Variants in PCSK5 observed in about 807,000 individuals in gnomAD.
PCSK5 encodes prohormone convertase 5.
A neutral mutation model predicts 233.2 loss-of-function variants in PCSK5; 129 were observed. The observed-to-expected ratio is 0.55, with a 90% CI of 0.48 to 0.64. The LOEUF is 0.64. PCSK5 is among the 30% of genes least tolerant of loss of function. The pLI, the probability that PCSK5 is intolerant of heterozygous loss-of-function variation, is 0.00. For synonymous variants in PCSK5, 825 were observed against 879.2 expected, an observed-to-expected ratio of 0.94 and a Z score of 1.09; for missense variants, 2,076 against 2,430.1, an observed-to-expected ratio of 0.85 and a Z score of 3.06.
intron 15 of PCSK5, among the ~76,000 whole-genome samples, chr9:76,180,002 T>C (rs1194167627): frequency 1.2e-3 from 66 of 56,708 alleles, no homozygotes; most frequent in African/African-American, 5.5e-3. Flanking sequence ...TCCAGACCTT[T>C]CTTTTTTTTT....
chr9:76,207,536 G>A (rs1825167911), intron 20 of PCSK5, among the ~76,000 whole-genome samples: 1 of 152,180 alleles, frequency 6.6e-6, no homozygotes, highest in South Asian at 2.1e-4. Context: ...TAAGTACTGA[G>A]CTGGGCATAG....
chr9:76,057,037 A>G (rs896956354), intron 5 of PCSK5, among the ~76,000 whole-genome samples: 4 of 152,080 alleles, frequency 2.6e-5, no homozygotes, highest in African/African-American at 9.7e-5. Flanking sequence ...ATGTGTAGGT[A>G]CATGTATGTT....
intron 24 of PCSK5, among the ~76,000 whole-genome samples, chr9:76,281,501 C>CG (rs1554716280): frequency 3.3e-5 from 5 of 151,996 alleles, no homozygotes; most frequent in African/African-American, 1.2e-4. Context: ...ACTGCTCAGA[C>CG]AAAAGAGTTT....
chr9:76,198,567 AGT>A (rs1235357872), intron 20 of PCSK5, among the ~76,000 whole-genome samples: 4 of 152,154 alleles, frequency 2.6e-5, no homozygotes, highest in Non-Finnish European at 5.9e-5. Flanking sequence ...CCTTTTTAAG[AGT>A]GCTGGAGAAA....
At chr9:76,052,523 A>T (rs1829666508) in intron 5 of PCSK5, among the ~76,000 whole-genome samples, 1 of 152,182 alleles carries the variant, frequency 6.6e-6, no homozygotes, top group Non-Finnish European at 1.5e-5. Context: ...TCATGAGAAC[A>T]GCATGGGAAA....
At chr9:76,089,564 G>A (rs1253440173) in intron 7 of PCSK5, among the ~76,000 whole-genome samples, 1 of 152,146 alleles carries the variant, frequency 6.6e-6, no homozygotes, top group Non-Finnish European at 1.5e-5. Flanking sequence ...ATATGTGAAA[G>A]CTTCTAGCAC....
At position 75,978,369 on chromosome 9, in the gene PCSK5, A is replaced by G. The variant is rs115145906; in HGVS notation, c.298-7763A>G. ...TTACTAAGTACTTTGGGAGCTTGCA[A>G]TTGTGAAGCACATTGTAAGTGTGAC... is the stretch of plus-strand genomic sequence containing the variant. On this transcript the variant is annotated intron_variant, in intron 2 of 37. Transcript: ENST00000674117. Among the ~76,000 whole-genome samples the G allele has an allele frequency of 5.2e-3, 795 of 152,320 alleles. 5 individuals are homozygous for G. The highest frequency in any genetic ancestry group is 0.017 in the African/African-American group (721 of 41,588).
rs1356178758 is a variant in PCSK5, at chr9:76,361,997, T to A, written c.*3075T>A. ...TCTATGATACACAGTTAAAGATTGG[T>A]TGAGGTTGAGATGAACTTCAATACT... On this transcript the variant is annotated 3_prime_UTR_variant, in exon 38 of 38. Coordinates refer to ENST00000674117, the MANE Select transcript of PCSK5 (RefSeq NM_001372043.1). 6.6e-6 allele frequency: 1 copy of A among 152,186 alleles called. No homozygotes were observed. Among genetic ancestry groups the A allele is most frequent in the Non-Finnish European group, 1.5e-5 (1 of 68,018 alleles). 9.4% of individuals were successfully genotyped at this position (152,186 alleles called of 1,614,324 possible).
chr9:76,315,642 CTT>C (rs34118608), intron 30 of PCSK5, among the ~76,000 whole-genome samples: 12 of 114,580 alleles, frequency 1.0e-4, no homozygotes, highest in Admixed American at 8.9e-5. Context: ...GAGAAGACTA[CTT>C]TTTTTTTTTT....
intron 2 of PCSK5, among the ~76,000 whole-genome samples, chr9:75,960,987 T>A (rs1825329511): frequency 1.3e-5 from 2 of 152,082 alleles, no homozygotes; most frequent in African/African-American, 4.8e-5. Flanking sequence ...TTAGTTAGAA[T>A]GAAAAGTGGA....
intron 16 of PCSK5, among the ~76,000 whole-genome samples, chr9:76,182,555 A>C (rs1346943641): frequency 6.6e-6 from 1 of 151,040 alleles, no homozygotes; most frequent in Admixed American, 6.6e-5. Flanking sequence ...AATAGGAGTA[A>C]TTTGCAACTT....
intron 1 of PCSK5, among the ~76,000 whole-genome samples, chr9:75,922,471 GA>G (rs1019148425): frequency 1.3e-5 from 2 of 152,018 alleles, no homozygotes; most frequent in Non-Finnish European, 2.9e-5. Flanking sequence ...TGTTACATGA[GA>G]AAAAAATGGA....
intron 12 of PCSK5, among the ~76,000 whole-genome samples, chr9:76,161,161 GA>G (rs924181757): frequency 4.6e-5 from 7 of 152,194 alleles, no homozygotes; most frequent in African/African-American, 1.7e-4. Context: ...TAGTGTATGG[GA>G]AACCTGGGTT....
chr9:76,133,383 TA>T (rs1822838526), intron 9 of PCSK5, among the ~76,000 whole-genome samples: 1 of 152,058 alleles, frequency 6.6e-6, no homozygotes. Context: ...TGATTATGAT[TA>T]GCATTGCAGT....
chr9:76,174,835 G>T (rs547394939), intron 13 of PCSK5, 151 bp from the exon 14 acceptor site: 5 of 636,294 alleles, frequency 7.9e-6, no homozygotes, highest in South Asian at 6.6e-5. Context: ...CGAGAAATAC[G>T]CATTTCTAGC....
intron 5 of PCSK5, among the ~76,000 whole-genome samples, chr9:76,041,988 T>C (rs900897006): frequency 6.6e-6 from 1 of 152,234 alleles, no homozygotes; most frequent in East Asian, 1.9e-4. Flanking sequence ...TAGAGACTGA[T>C]GAATAGTAGA....
intron 1 of PCSK5, among the ~76,000 whole-genome samples, chr9:75,899,548 C>T (rs1825940801): frequency 6.6e-6 from 1 of 152,174 alleles, no homozygotes; most frequent in Non-Finnish European, 1.5e-5. Context: ...CCTCTCCTCA[C>T]CCCGGTAGTC....
chr9:76,258,800 C>T (rs1432817666), intron 24 of PCSK5, among the ~76,000 whole-genome samples: 4 of 152,120 alleles, frequency 2.6e-5, no homozygotes, highest in Non-Finnish European at 5.9e-5. Flanking sequence ...TAAATTATGT[C>T]AATTATTCCT....
intron 1 of PCSK5, among the ~76,000 whole-genome samples, chr9:75,896,663 T>C (rs1825818349): frequency 6.6e-6 from 1 of 152,176 alleles, no homozygotes; most frequent in South Asian, 2.1e-4. Context: ...TCCTGGCTGG[T>C]AAAAATAAAT....
Sources: gnomAD v4.1 joint callset for allele counts (sites outside exome capture counted in the v4.1 genomes callset) on GRCh38, gnomAD v4.1.1 for gene constraint, MANE v1.5 for transcripts, NCBI Gene and HGNC (gene_info 2026-07-23, HGNC 2026-07-21) for gene names.